The following PHACTR3 variants were observed in gnomAD, a reference collection of about 807,000 sequenced individuals.
PHACTR3 encodes phosphatase and actin regulator 3, also known as protein phosphatase 1, regulatory subunit 123.
In PHACTR3, 16 loss-of-function variants were observed where a neutral mutation model predicts 66.8. The observed-to-expected ratio is 0.24, with a 90% CI of 0.16 to 0.36. PHACTR3 has a LOEUF of 0.36. Ranked by LOEUF, PHACTR3 falls within the 10% of genes least tolerant of loss-of-function variation. PHACTR3 has a pLI of 1.00. For missense variants in PHACTR3, 647 were observed against 719.9 expected, an observed-to-expected ratio of 0.90 and a Z score of 1.16; for synonymous variants, 323 against 292.1, an observed-to-expected ratio of 1.11 and a Z score of -1.08.
chr20:59,695,110 T>A (rs972651528), intron 1 of PHACTR3, among the ~76,000 whole-genome samples: 1 of 152,162 alleles, frequency 6.6e-6, no homozygotes, highest in Non-Finnish European at 1.5e-5. Flanking sequence ...CTGGTTGACA[T>A]CCTGGCTGAG....
chr20:59,648,315 C>T (rs190357315), intron 1 of PHACTR3, among the ~76,000 whole-genome samples: 4 of 152,180 alleles, frequency 2.6e-5, no homozygotes, highest in African/African-American at 9.6e-5. Context: ...TTTCTCTTTC[C>T]TATTAGTGAA....
chr20:59,632,747 A>G (rs1421533250), intron 1 of PHACTR3, among the ~76,000 whole-genome samples: 1 of 152,178 alleles, frequency 6.6e-6, no homozygotes, highest in Non-Finnish European at 1.5e-5. Context: ...TGCCCAGATC[A>G]CAGGGCTCAT....
At chr20:59,648,957 T>C (rs978752790) in intron 1 of PHACTR3, among the ~76,000 whole-genome samples, 4 of 152,182 alleles carry the variant, frequency 2.6e-5, no homozygotes, top group African/African-American at 9.6e-5. Flanking sequence ...GGAATGTCTG[T>C]GTTTACATGA....
chr20:59,618,990 C>T (rs747554615), intron 1 of PHACTR3, among the ~76,000 whole-genome samples: 5 of 152,170 alleles, frequency 3.3e-5, no homozygotes, highest in Non-Finnish European at 5.9e-5. Context: ...GACGTGGATT[C>T]CGTGGGCAAA....
At chr20:59,625,252 T>C (rs1334683795) in intron 1 of PHACTR3, among the ~76,000 whole-genome samples, 1 of 152,084 alleles carries the variant, frequency 6.6e-6, no homozygotes, top group African/African-American at 2.4e-5. Flanking sequence ...GAGGCCTCAG[T>C]TGACCCTGAG....
At chr20:59,765,110 A>G (rs997994309) in intron 4 of PHACTR3, among the ~76,000 whole-genome samples, 7 of 152,238 alleles carry the variant, frequency 4.6e-5, no homozygotes, top group African/African-American at 1.7e-4. Flanking sequence ...ACACCTCACA[A>G]CTATTTTTAC....
intron 1 of PHACTR3, among the ~76,000 whole-genome samples, chr20:59,670,674 T>C (rs1308188954): frequency 6.6e-6 from 1 of 151,484 alleles, no homozygotes; most frequent in Non-Finnish European, 1.5e-5. Context: ...GGCTTTTCTG[T>C]CGTTAAGGTG....
chr20:59,778,832 G>T, intron 7 of PHACTR3, among the ~76,000 whole-genome samples: 1 of 152,188 alleles, frequency 6.6e-6, no homozygotes, highest in Non-Finnish European at 1.5e-5. Flanking sequence ...TGAGCCTCTT[G>T]TTATTTGTTC....
chr20:59,616,944 G>C (rs930746873), intron 1 of PHACTR3, among the ~76,000 whole-genome samples: 2 of 152,140 alleles, frequency 1.3e-5, no homozygotes, highest in East Asian at 3.9e-4. Context: ...ATTCACCTGG[G>C]CTGGCTTTCC....
chr20:59,821,226 C>A (rs530139207), intron 8 of PHACTR3, among the ~76,000 whole-genome samples: 29 of 152,250 alleles, frequency 1.9e-4, no homozygotes, highest in African/African-American at 6.5e-4. Flanking sequence ...AGATGTGACC[C>A]AGGTGGGCCG....
chr20:59,585,075 C>T (rs958457456), intron 1 of PHACTR3, among the ~76,000 whole-genome samples: 3 of 152,192 alleles, frequency 2.0e-5, no homozygotes, highest in Non-Finnish European at 4.4e-5. Context: ...AGCGGGGCCT[C>T]GGGTCCTTTC....
chr20:59,674,426 T>TC (rs2036315785), intron 1 of PHACTR3, among the ~76,000 whole-genome samples: 1 of 137,816 alleles, frequency 7.3e-6, no homozygotes, highest in African/African-American at 2.7e-5. Context: ...CCTTCTCCTG[T>TC]CCCCCCTTCT....
chr20:59,765,006 C>G (rs553832589), intron 4 of PHACTR3, among the ~76,000 whole-genome samples: 28 of 152,288 alleles, frequency 1.8e-4, no homozygotes, highest in African/African-American at 2.2e-4. Context: ...CTTGCCTGTG[C>G]TGATTTACAC....
In PHACTR3 at chr20:59,605,009, G is replaced by A; in HGVS notation, c.-6G>A. The A allele has an allele frequency of 1.5e-6, 2 of 1,316,816 alleles. No individual in the cohort carries two copies. Among genetic ancestry groups the A allele is most frequent in the Non-Finnish European group, 1.9e-6 (2 of 1,026,556 alleles). 81.6% of individuals were successfully genotyped at this position (1,316,816 alleles called of 1,614,324 possible). A position where few individuals can be genotyped will look rare whatever the true frequency, so the allele number is the denominator to read the frequency against. ...GCTCTAACTTGCCCCCGCGCCGGCC[G>A]GGCCCATGGCCGCGTCGGAGGACGG... On this transcript the variant is annotated 5_prime_UTR_variant, in exon 1 of 13. Transcript: ENST00000371015.
chr20:59,585,409 T>A (rs1036212174), intron 1 of PHACTR3, among the ~76,000 whole-genome samples: 32 of 152,116 alleles, frequency 2.1e-4, no homozygotes, highest in Admixed American at 9.8e-4. Context: ...GGCACGTTTT[T>A]CTTTGCTGGG....
At chr20:59,662,879 A>G (rs1355787905) in intron 1 of PHACTR3, among the ~76,000 whole-genome samples, 1 of 152,182 alleles carries the variant, frequency 6.6e-6, no homozygotes, top group Non-Finnish European at 1.5e-5. Context: ...GAAGGAGAGT[A>G]TGTGAGTCTC....
chr20:59,620,757 A>T (rs1419742164), intron 1 of PHACTR3, among the ~76,000 whole-genome samples: 2 of 152,122 alleles, frequency 1.3e-5, no homozygotes, highest in Non-Finnish European at 2.9e-5. Flanking sequence ...ACTGTCAGAC[A>T]TCGTTTCTCA....
chr20:59,752,178 A>G (rs2039618146), intron 3 of PHACTR3, among the ~76,000 whole-genome samples: 2 of 152,192 alleles, frequency 1.3e-5, no homozygotes, highest in Non-Finnish European at 2.9e-5. Context: ...GCCGGGGGAC[A>G]CATGTCTGCA....
chr20:59,673,869 T>C (rs1254395659), intron 1 of PHACTR3, among the ~76,000 whole-genome samples: 1 of 152,120 alleles, frequency 6.6e-6, no homozygotes, highest in Non-Finnish European at 1.5e-5. Context: ...GAGCCTTGGT[T>C]TCCTCACCTG....
Sources: gnomAD v4.1 joint callset for allele counts (sites outside exome capture counted in the v4.1 genomes callset) on GRCh38, gnomAD v4.1.1 for gene constraint, MANE v1.5 for transcripts, NCBI Gene and HGNC (gene_info 2026-07-23, HGNC 2026-07-21) for gene names.